VPS50: variants seen among roughly 807,000 people sequenced by gnomAD.
VPS50 encodes the protein VPS50 subunit of EARP/GARPII complex.
VPS50 carries 70 observed loss-of-function variants against 139.7 expected under a neutral mutation model. The ratio of observed to expected loss-of-function variants is 0.50; its 90% CI spans 0.41 to 0.61. The LOEUF is 0.61. Ranked by LOEUF, VPS50 falls within the 20% of genes least tolerant of loss-of-function variation. The probability of loss-of-function intolerance (pLI) is 0.00; values close to 1 mark genes in which losing one functional copy is unlikely to be tolerated. For synonymous variants in VPS50, 365 were observed against 376.7 expected (o/e 0.97, Z 0.36); for missense variants, 921 against 1,133.7 (o/e 0.81, Z 2.69).
intron 9 of VPS50, among the ~76,000 whole-genome samples, chr7:93,266,189 G>C (rs1795839453): frequency 6.6e-6 from 1 of 152,154 alleles, no homozygotes; most frequent in African/African-American, 2.4e-5. Flanking sequence ...ATTTACTTAA[G>C]CTCATTCTAA....
chr7:93,282,990 T>C (rs1441510908), intron 12 of VPS50, among the ~76,000 whole-genome samples: 3 of 152,202 alleles, frequency 2.0e-5, no homozygotes. Flanking sequence ...TAAAACTTAA[T>C]GACCAAAAGG....
At chr7:93,310,320 G>C (rs1452377590) in intron 19 of VPS50, among the ~76,000 whole-genome samples, 3 of 151,920 alleles carry the variant, frequency 2.0e-5, no homozygotes, top group African/African-American at 4.8e-5. Context: ...CTCTTGAATT[G>C]ACCAATTTTT....
At position 93,323,602 on chromosome 7, in the gene VPS50, T is replaced by C. The variant is rs1305928522; in HGVS notation, c.1856-9T>C. The C allele has an allele frequency of 2.1e-5, 26 of 1,211,856 alleles. No homozygotes were observed. The highest frequency in any genetic ancestry group is 2.3e-5 in the Non-Finnish European group (21 of 906,478). 75.1% of individuals were successfully genotyped at this position (1,211,856 alleles called of 1,614,324 possible). A position where few individuals can be genotyped will look rare whatever the true frequency, so the allele number is the denominator to read the frequency against. On this transcript the variant is annotated splice_polypyrimidine_tract_variant and intron_variant, in intron 20 of 27. Coordinates refer to ENST00000305866, the MANE Select transcript of VPS50 (RefSeq NM_017667.4). ...TTCTGCTTAATTTTTTATTCTTTTTTCTTTTCAGGAAAATATATGCAGATG... is the reference window on the plus strand; with the variant it reads ...TTCTGCTTAATTTTTTATTCTTTTTCCTTTTCAGGAAAATATATGCAGATG...
At position 93,353,702 on chromosome 7, in the gene VPS50, T is replaced by A. The variant is rs1296515748; in HGVS notation, c.2526T>A (p.Pro842=). The A allele has an allele frequency of 6.2e-7, 1 of 1,612,322 alleles. No homozygotes were observed. Among genetic ancestry groups the A allele is most frequent in the East Asian group, 2.2e-5 (1 of 44,802 alleles). ...EVSKRVRIPL[P]VSNILWEHCI... is the part of the protein sequence containing the mutation. ...CTAAGAGAGTTCGCATACCCTTGCC[T>A]GTGTCTAATATACTTTGGGAACATT... is the stretch of plus-strand genomic sequence containing the variant. The change falls in exon 26 of 28, where the codon CCT becomes CCA. Residue 842 remains proline, a synonymous_variant. Transcript: ENST00000305866.
chr7:93,294,001 A>T (rs1348080563), intron 13 of VPS50, among the ~76,000 whole-genome samples: 3 of 152,214 alleles, frequency 2.0e-5, no homozygotes, highest in Non-Finnish European at 2.9e-5. Flanking sequence ...TGTCTTTTTC[A>T]GTTGTCTTTA....
intron 25 of VPS50, among the ~76,000 whole-genome samples, chr7:93,350,305 C>A (rs1018873170): frequency 1.4e-4 from 22 of 152,144 alleles, no homozygotes; most frequent in South Asian, 4.2e-4. Flanking sequence ...ATCTCAGTAG[C>A]CATCACTATA....
chr7:93,272,550 G>A (rs1048179309), intron 10 of VPS50, 85 bp from the exon 11 acceptor site: 1 of 534,474 alleles, frequency 1.9e-6, no homozygotes, highest in Non-Finnish European at 3.3e-6. Flanking sequence ...AACTAAAAGT[G>A]AGAAATTAGT....
intron 11 of VPS50, among the ~76,000 whole-genome samples, chr7:93,274,005 A>G (rs1796082506): frequency 6.6e-6 from 1 of 152,106 alleles, no homozygotes; most frequent in African/African-American, 2.4e-5. Flanking sequence ...GTGCCCATAT[A>G]AAATGGTGAA....
intron 1 of VPS50, among the ~76,000 whole-genome samples, chr7:93,234,251 A>G (rs1794731227): frequency 6.6e-6 from 1 of 152,178 alleles, no homozygotes; most frequent in Non-Finnish European, 1.5e-5. Context: ...CTCATTTTGT[A>G]AAACTGAGGA....
intron 22 of VPS50, among the ~76,000 whole-genome samples, chr7:93,335,678 T>A (rs970550117): frequency 2.0e-5 from 3 of 152,200 alleles, no homozygotes; most frequent in Non-Finnish European, 4.4e-5. Flanking sequence ...TTCTTCTTAT[T>A]TGATACTTAA....
chr7:93,330,064 A>G (rs1166509117), intron 21 of VPS50, among the ~76,000 whole-genome samples: 1 of 152,202 alleles, frequency 6.6e-6, no homozygotes, highest in Non-Finnish European at 1.5e-5. Flanking sequence ...CTGAAATCAT[A>G]GCATAGTCTT....
At chr7:93,306,297 G>A (rs1797114716) in intron 18 of VPS50, among the ~76,000 whole-genome samples, 3 of 151,762 alleles carry the variant, frequency 2.0e-5, no homozygotes, top group Admixed American at 1.3e-4. Flanking sequence ...GAATATTTAC[G>A]TGATATATTA....
Position 93,291,686 on chromosome 7 carries a change from CTT to C in VPS50, c.943-16_943-15del, listed in dbSNP as rs541888656. On this transcript the variant is annotated splice_polypyrimidine_tract_variant and intron_variant, in intron 12 of 27. Coordinates refer to ENST00000305866, the MANE Select transcript of VPS50 (RefSeq NM_017667.4). The stretch of plus-strand genomic sequence containing the variant: ...AAACATAATAATTTGAAAGTTGTCT[CTT>C]ATCATTTTCTTTAGCATGTTACACC... 8.8e-4 allele frequency: 1,261 copies of C among 1,426,548 alleles called. 4 individuals are homozygous for C. The highest frequency in any genetic ancestry group is 8.1e-4 in the Non-Finnish European group (855 of 1,061,746). The allele number at this position is 1,426,548 out of a possible 1,614,324, so 88.4% of individuals were successfully genotyped here.
In VPS50 at chr7:93,347,786, C is replaced by T. The variant is rs1466447815; in HGVS notation, c.2208-925C>T. Among the ~76,000 whole-genome samples, 7 of 133,262 alleles carry T rather than the reference C, an allele frequency of 5.3e-5. No homozygotes were observed. The East Asian group carries it at 6.6e-4, about 13-fold the overall frequency. 87.4% of individuals were successfully genotyped at this position (133,262 alleles called of 152,430 possible). On this transcript the variant is annotated intron_variant, in intron 23 of 27. Transcript: ENST00000305866. ...GTGGGAATTGAACAATGAGAACACA[C>T]GGACACAGGAAGGGAAACATCACAC...
intron 21 of VPS50, among the ~76,000 whole-genome samples, chr7:93,331,043 A>G (rs1797926271): frequency 1.3e-5 from 2 of 152,098 alleles, no homozygotes; most frequent in South Asian, 4.1e-4. Context: ...AAAATTTTTT[A>G]GAAATGTAAC....
chr7:93,310,132 G>A (rs756807577), intron 19 of VPS50, among the ~76,000 whole-genome samples: 2 of 151,950 alleles, frequency 1.3e-5, no homozygotes, highest in Non-Finnish European at 2.9e-5. Context: ...CAAAAGGAAA[G>A]GTCTATTTGA....
At chr7:93,355,390 A>G (rs958793431) in intron 26 of VPS50, among the ~76,000 whole-genome samples, 2 of 152,146 alleles carry the variant, frequency 1.3e-5, no homozygotes, top group Non-Finnish European at 2.9e-5. Context: ...CATGAAAAAT[A>G]TATATATACT....
At chr7:93,279,806 G>GATGA (rs1420378174) in intron 12 of VPS50, among the ~76,000 whole-genome samples, 1 of 152,180 alleles carries the variant, frequency 6.6e-6, no homozygotes, top group Non-Finnish European at 1.5e-5. Context: ...TGAAAATTAA[G>GATGA]ATGAATGCTA....
In VPS50 at chr7:93,318,931, A is replaced by T. The variant is rs1013537297; in HGVS notation, c.1856-4680A>T. ...GAGTAAAATAAAATATATTTAAGAA[A>T]ATATTTATTTTTATAAGCTTATTCA... On this transcript the variant is annotated intron_variant, in intron 20 of 27. Coordinates refer to ENST00000305866, the MANE Select transcript of VPS50 (RefSeq NM_017667.4). Among the ~76,000 whole-genome samples the T allele has an allele frequency of 5.3e-5, 8 of 152,184 alleles. No homozygotes were observed. The South Asian group carries it at 1.7e-3, about 32-fold the overall frequency.
Sources: gnomAD v4.1 joint callset for allele counts (sites outside exome capture counted in the v4.1 genomes callset) on GRCh38, gnomAD v4.1.1 for gene constraint, MANE v1.5 for transcripts, NCBI Gene and HGNC (gene_info 2026-07-23, HGNC 2026-07-21) for gene names.